ERI3: variants seen among roughly 807,000 people sequenced by gnomAD.
The protein encoded by ERI3 is ERI1 exoribonuclease 3.
A neutral mutation model predicts 44.4 loss-of-function variants in ERI3; 18 were observed. That is an observed-to-expected ratio of 0.41 (90% CI 0.28 to 0.60). The LOEUF is 0.60. Ranked by LOEUF, ERI3 falls within the 20% of genes least tolerant of loss-of-function variation. The probability of loss-of-function intolerance (pLI) is 0.36; values close to 1 mark genes in which losing one functional copy is unlikely to be tolerated. For missense variants in ERI3, 294 were observed against 435.5 expected (o/e 0.68, Z 2.89); for synonymous variants, 183 against 164.8 (o/e 1.11, Z -0.84).
At chr1:44,238,819 G>A (rs1460847839) in intron 8 of ERI3, among the ~76,000 whole-genome samples, 2 of 152,026 alleles carry the variant, frequency 1.3e-5, no homozygotes, top group Non-Finnish European at 2.9e-5. Context: ...TACCCTGCAG[G>A]AGGAGGGGAG....
In ERI3 at chr1:44,355,047, G is replaced by T. The variant is rs776178646; in HGVS notation, c.-21C>A. ...GCCATGGCAACGCCCCCTCCTCGGG[G>T]CCAGCGCGGCAGGCTCCCTCCAGGT... On this transcript the variant is annotated 5_prime_UTR_variant, in exon 1 of 9. Transcript: ENST00000372257. 2.9e-6 allele frequency: 4 copies of T among 1,366,872 alleles called. No individual in the cohort carries two copies. In the South Asian group the frequency reaches 8.2e-5, roughly 28 times the overall value. The allele number at this position is 1,366,872 out of a possible 1,614,324, so 84.7% of individuals were successfully genotyped here. A position where few individuals can be genotyped will look rare whatever the true frequency, so the allele number is the denominator to read the frequency against.
intron 2 of ERI3, 27 bp from the exon 3 acceptor site, chr1:44,339,349 AAAAAAAAAAG>A: frequency 6.7e-7 from 1 of 1,495,170 alleles, no homozygotes; most frequent in Non-Finnish European, 8.9e-7. Context: ...TTAAAAAAAA[AAAAAAAAAAG>A]AAAAGAAAGA....
intron 4 of ERI3, among the ~76,000 whole-genome samples, chr1:44,314,686 C>T (rs1646047945): frequency 6.6e-6 from 1 of 152,168 alleles, no homozygotes; most frequent in Admixed American, 6.5e-5. Flanking sequence ...GGGAAGTGCC[C>T]TCAGTCAGCA....
intron 8 of ERI3, among the ~76,000 whole-genome samples, chr1:44,229,230 G>C (rs574946170): frequency 6.6e-6 from 1 of 152,204 alleles, no homozygotes; most frequent in African/African-American, 2.4e-5. Context: ...CGGTGGCAGG[G>C]AGAGTGGCTG....
chr1:44,321,108 T>G (rs947168109), intron 3 of ERI3, among the ~76,000 whole-genome samples: 1 of 152,146 alleles, frequency 6.6e-6, no homozygotes, highest in Admixed American at 6.5e-5. Flanking sequence ...ATGGTCAATC[T>G]CCTTGATGTC....
At chr1:44,262,226 C>A (rs1247771893) in intron 7 of ERI3, among the ~76,000 whole-genome samples, 1 of 152,160 alleles carries the variant, frequency 6.6e-6, no homozygotes, top group East Asian at 1.9e-4. Context: ...TGACACTTGT[C>A]CTCTCTGCCC....
chr1:44,341,522 T>C (rs1646652335), intron 2 of ERI3, among the ~76,000 whole-genome samples: 1 of 152,180 alleles, frequency 6.6e-6, no homozygotes, highest in Non-Finnish European at 1.5e-5. Flanking sequence ...ATACTATATA[T>C]ACCCTATTCT....
Position 44,352,860 on chromosome 1 carries a change from T to A in ERI3, c.201A>T (p.Glu67Asp). The part of the protein sequence containing the change: ...ASPAAGLGIF[E>D]VRRVLDASGC... ...CAACAGGATTCTCACCTCTCCTTACTTCGAAGATGCCAAGACCGGCAGCTG... is the reference window on the plus strand; with the variant it reads ...CAACAGGATTCTCACCTCTCCTTACATCGAAGATGCCAAGACCGGCAGCTG... Residue 67 changes from glutamate (E) to aspartate (D), a missense_variant, in exon 2 of 9, where the codon GAA (glutamate) becomes GAT (aspartate). This residue lies in a region of ERI3 where 107 missense variants were observed against 96.9 expected (regional missense o/e 1.10). Coordinates refer to ENST00000372257, the MANE Select transcript of ERI3 (RefSeq NM_024066.3). The A allele has an allele frequency of 6.2e-7, 1 of 1,614,064 alleles. No individual in the cohort carries two copies. Among genetic ancestry groups the A allele is most frequent in the South Asian group, 1.1e-5 (1 of 91,074 alleles).
chr1:44,235,294 TGAGTTTTC>T lies in ERI3; in HGVS notation c.931+12637_931+12644del, dbSNP rs1043695120. On this transcript the variant is annotated intron_variant, in intron 8 of 8. Coordinates refer to ENST00000372257, the MANE Select transcript of ERI3 (RefSeq NM_024066.3). This position sits in a 1 kb window ranked among gnomAD's most constrained non-coding sequence, Gnocchi z 4.6. Reference sequence around the variant, plus strand: ...GCCAAATTCAGGCTCATTTGCACCTTGAGTTTTCAAGTCCTCACTTCTCACCTGGCTCA... The same window carrying T: ...GCCAAATTCAGGCTCATTTGCACCTTAAGTCCTCACTTCTCACCTGGCTCA... Among the ~76,000 whole-genome samples the T allele has an allele frequency of 7.9e-5, 12 of 152,152 alleles. No homozygotes were observed. The highest frequency in any genetic ancestry group is 2.9e-4 in the African/African-American group (12 of 41,424).
intron 8 of ERI3, among the ~76,000 whole-genome samples, chr1:44,238,322 TC>T (rs1226532918): frequency 1.3e-5 from 2 of 151,788 alleles, no homozygotes; most frequent in South Asian, 2.1e-4. Context: ...GGCCAGGGGC[TC>T]CCCCCTGCGG....
intron 3 of ERI3, among the ~76,000 whole-genome samples, chr1:44,325,878 G>A (rs956198832): frequency 6.6e-6 from 1 of 151,828 alleles, no homozygotes; most frequent in Non-Finnish European, 1.5e-5. Flanking sequence ...CAAACTCCTG[G>A]CCTCAAGAGA....
intron 7 of ERI3, among the ~76,000 whole-genome samples, chr1:44,276,404 T>C (rs1299846006): frequency 1.3e-5 from 2 of 152,260 alleles, no homozygotes; most frequent in Non-Finnish European, 2.9e-5. Flanking sequence ...TCCATGCATA[T>C]GCAATAGGTA....
chr1:44,343,337 T>C (rs181596757), intron 2 of ERI3, among the ~76,000 whole-genome samples: 88 of 152,312 alleles, frequency 5.8e-4, no homozygotes, highest in African/African-American at 1.9e-3. Flanking sequence ...TAATTACAAC[T>C]AGTAGTAATT....
chr1:44,329,106 A>G (rs1419352905), intron 3 of ERI3, among the ~76,000 whole-genome samples: 4 of 152,106 alleles, frequency 2.6e-5, no homozygotes, highest in Non-Finnish European at 4.4e-5. Flanking sequence ...AGCCCTCCAG[A>G]AAAAAACCTT....
chr1:44,248,655 G>A (rs907787854), intron 7 of ERI3, among the ~76,000 whole-genome samples: 1 of 151,958 alleles, frequency 6.6e-6, no homozygotes, highest in African/African-American at 2.4e-5. Context: ...AAGCAGCTGG[G>A]AGGGGTGTAC....
chr1:44,352,991 G>A, intron 1 of ERI3, 66 bp from the exon 2 acceptor site: 9 of 1,604,644 alleles, frequency 5.6e-6, no homozygotes, highest in Non-Finnish European at 7.7e-6. Context: ...CCCCATGAAG[G>A]ATACTACACC....
chr1:44,346,943 G>A (rs1242497084), intron 2 of ERI3, among the ~76,000 whole-genome samples: 1 of 152,124 alleles, frequency 6.6e-6, no homozygotes, highest in Non-Finnish European at 1.5e-5. Context: ...ACCCTTTTCT[G>A]AAAATCTACT....
intron 7 of ERI3, among the ~76,000 whole-genome samples, chr1:44,269,201 CAGAGGT>C (rs1239081292): frequency 6.6e-6 from 1 of 152,184 alleles, no homozygotes; most frequent in African/African-American, 2.4e-5. Flanking sequence ...CTCATAGTGG[CAGAGGT>C]AGAAGAGGCC....
chr1:44,300,197 T>C (rs1476542031), intron 6 of ERI3, among the ~76,000 whole-genome samples: 1 of 152,194 alleles, frequency 6.6e-6, no homozygotes, highest in African/African-American at 2.4e-5. Flanking sequence ...TCCTACTGCC[T>C]TGAACATCTT....
Sources: allele counts gnomAD v4.1 joint callset (sites outside exome capture counted in the v4.1 genomes callset), GRCh38; gene constraint gnomAD v4.1.1; regional missense constraint gnomAD v4.1.1; non-coding constraint Gnocchi (gnomAD v3.1); transcripts MANE v1.5; gene names NCBI Gene and HGNC (gene_info 2026-07-23, HGNC 2026-07-21).